Variants in PSMA1 observed in about 807,000 individuals in gnomAD.
PSMA1 encodes the protein proteasome 20S subunit alpha 1.
Under a neutral mutation model 38.4 loss-of-function variants are expected in PSMA1, and 3 were observed. That is an observed-to-expected ratio of 0.08 (90% CI 0.04 to 0.20). PSMA1 has a LOEUF of 0.20. Among genes scored for constraint, PSMA1 ranks in the 10% least tolerant of loss-of-function variants. PSMA1 has a pLI of 1.00. For synonymous variants in PSMA1, 101 were observed against 107.1 expected, an observed-to-expected ratio of 0.94 and a Z score of 0.35; for missense variants, 227 against 325.3, an observed-to-expected ratio of 0.70 and a Z score of 2.32.
rs774688105 is a variant in PSMA1 at position 14,519,051 on chromosome 11, A to G, written c.4-10T>C. The G allele has an allele frequency of 7.0e-6, 11 of 1,561,554 alleles. No individual in the cohort carries two copies. Among genetic ancestry groups the G allele is most frequent in the Non-Finnish European group, 7.0e-6 (8 of 1,140,328 alleles). On this transcript the variant is annotated splice_polypyrimidine_tract_variant and intron_variant, in intron 1 of 9. Coordinates refer to ENST00000396394, the MANE Select transcript of PSMA1 (RefSeq NM_002786.4). The stretch of plus-strand genomic sequence containing the variant: ...CATACTGATTTCGAAACTAAAAGTA[A>G]AAGAAAAAAATACCTGTTAATAGAA...
chr11:14,558,052 G>A (rs982182473), intron 2 of PSMA1, among the ~76,000 whole-genome samples: 5 of 151,982 alleles, frequency 3.3e-5, no homozygotes, highest in South Asian at 4.2e-4. Context: ...AAATGGTGCC[G>A]ATAGTCAAAT....
At chr11:14,556,885 G>C (rs902152578) in intron 2 of PSMA1, among the ~76,000 whole-genome samples, 1 of 152,202 alleles carries the variant, frequency 6.6e-6, no homozygotes, top group Non-Finnish European at 1.5e-5. Context: ...GCCCAGGCTA[G>C]GGTACAGTGG....
At chr11:14,633,152 C>T (rs1853053867) in intron 1 of PSMA1, among the ~76,000 whole-genome samples, 2 of 152,200 alleles carry the variant, frequency 1.3e-5, no homozygotes. Flanking sequence ...AAGTCATTCT[C>T]CATCCAGCTT....
At chr11:14,529,199 C>T (rs1378852519) in intron 2 of PSMA1, among the ~76,000 whole-genome samples, 4 of 150,928 alleles carry the variant, frequency 2.7e-5, no homozygotes, top group African/African-American at 4.9e-5. Context: ...AAAGTAAATT[C>T]TAAATAAGAG....
At chr11:14,572,098 A>G (rs1257727147) in intron 2 of PSMA1, among the ~76,000 whole-genome samples, 1 of 152,260 alleles carries the variant, frequency 6.6e-6, no homozygotes, top group East Asian at 1.9e-4. Flanking sequence ...AATATTAGAC[A>G]GATCAACGAA....
intron 1 of PSMA1, among the ~76,000 whole-genome samples, chr11:14,627,577 G>A (rs982436578): frequency 2.6e-5 from 4 of 152,118 alleles, no homozygotes; most frequent in Non-Finnish European, 4.4e-5. Context: ...TGTAATCTTT[G>A]ACAAATTACT....
intron 1 of PSMA1, among the ~76,000 whole-genome samples, chr11:14,619,865 T>A (rs923469072): frequency 2.6e-5 from 4 of 152,218 alleles, no homozygotes; most frequent in Non-Finnish European, 4.4e-5. Context: ...AGCAATCACT[T>A]ACTTATCTTT....
chr11:14,584,904 G>A (rs558739587), intron 2 of PSMA1, among the ~76,000 whole-genome samples: 1 of 152,282 alleles, frequency 6.6e-6, no homozygotes, highest in African/African-American at 2.4e-5. Flanking sequence ...TAGTGTTCCT[G>A]TCTCCTTTCA....
At chr11:14,510,162 CCT>C (rs145518984) in intron 8 of PSMA1, among the ~76,000 whole-genome samples, 2,595 of 152,254 alleles carry the variant, frequency 0.017, 33 homozygotes, top group Non-Finnish European at 0.029. Context: ...ACCTCCATTA[CCT>C]CTCTGATTTC....
intron 2 of PSMA1, among the ~76,000 whole-genome samples, chr11:14,562,472 C>T (rs1212942645): frequency 6.6e-6 from 1 of 152,172 alleles, no homozygotes; most frequent in East Asian, 1.9e-4. Context: ...TTTCCTTTAC[C>T]ATACTGGCTC....
chr11:14,525,465 G>A (rs533431413), intron 2 of PSMA1, among the ~76,000 whole-genome samples: 2 of 152,002 alleles, frequency 1.3e-5, no homozygotes, highest in African/African-American at 4.8e-5. Context: ...CCCACAGCAC[G>A]CTTTTAAAGG....
intron 2 of PSMA1, among the ~76,000 whole-genome samples, chr11:14,571,147 C>T (rs972392699): frequency 1.3e-5 from 2 of 152,198 alleles, no homozygotes; most frequent in Admixed American, 1.3e-4. Flanking sequence ...ATGGCAAGCT[C>T]CACCTCCCAG....
At chr11:14,555,916 C>A (rs1188365082) in intron 2 of PSMA1, among the ~76,000 whole-genome samples, 2 of 152,118 alleles carry the variant, frequency 1.3e-5, no homozygotes, top group African/African-American at 4.8e-5. Flanking sequence ...CTAATTTCTC[C>A]CTAGCCCTCT....
At chr11:14,544,558 C>T (rs1051377353) in intron 2 of PSMA1, among the ~76,000 whole-genome samples, 1 of 151,946 alleles carries the variant, frequency 6.6e-6, no homozygotes, top group African/African-American at 2.4e-5. Context: ...ATACAAATGG[C>T]CAATAAGCCC....
chr11:14,513,226 GAAAACTA>G (rs914077459), intron 7 of PSMA1, among the ~76,000 whole-genome samples: 2 of 152,132 alleles, frequency 1.3e-5, no homozygotes, highest in African/African-American at 4.8e-5. Flanking sequence ...AAGACTCACA[GAAAACTA>G]AAAGTGAACA....
intron 1 of PSMA1, among the ~76,000 whole-genome samples, chr11:14,623,817 G>C (rs1852880487): frequency 6.6e-6 from 1 of 152,150 alleles, no homozygotes; most frequent in Admixed American, 6.5e-5. Flanking sequence ...TGCTGCTTCT[G>C]AATGTCCAAC....
At chr11:14,585,692 G>GC (rs1852337163) in intron 2 of PSMA1, among the ~76,000 whole-genome samples, 1 of 152,040 alleles carries the variant, frequency 6.6e-6, no homozygotes, top group African/African-American at 2.4e-5. Context: ...TCTTTTATTC[G>GC]CCCCTCCTAC....
chr11:14,621,025 GTTA>G (rs1852837320), intron 1 of PSMA1, among the ~76,000 whole-genome samples: 1 of 152,104 alleles, frequency 6.6e-6, no homozygotes, highest in Admixed American at 6.5e-5. Flanking sequence ...TGTATGTCCT[GTTA>G]TTATACCTTT....
Position 14,520,328 on chromosome 11 carries a change from C to A in PSMA1, c.-29G>T, listed in dbSNP as rs566878004. The A allele has an allele frequency of 6.2e-7, 1 of 1,614,228 alleles. No homozygotes were observed. Among genetic ancestry groups the A allele is most frequent in the Admixed American group, 1.7e-5 (1 of 60,032 alleles). On this transcript the variant is annotated 5_prime_UTR_variant, in exon 1 of 10. Coordinates refer to ENST00000396394, the MANE Select transcript of PSMA1 (RefSeq NM_002786.4). The stretch of plus-strand genomic sequence containing the variant: ...GGCGGCGCGGGCCTGGTTGCGGCCT[C>A]CAGCAAAACTGAGAATCAAGGAGGT...
Sources: gnomAD v4.1 joint callset for allele counts (sites outside exome capture counted in the v4.1 genomes callset) on GRCh38, gnomAD v4.1.1 for gene constraint, MANE v1.5 for transcripts, NCBI Gene and HGNC (gene_info 2026-07-23, HGNC 2026-07-21) for gene names.